The following BTRC variants were observed in gnomAD, a reference collection of about 807,000 sequenced individuals.
BTRC encodes beta-transducin repeat containing E3 ubiquitin protein ligase, also known as F-box/WD repeat-containing protein 1A.
In BTRC, 42 loss-of-function variants were observed where a neutral mutation model predicts 85.5. That is an observed-to-expected ratio of 0.49 (90% CI 0.38 to 0.64). The LOEUF is 0.64. Ranked by LOEUF, BTRC falls within the 30% of genes least tolerant of loss-of-function variation. BTRC has a pLI of 0.00. For missense variants in BTRC, 594 were observed against 743.5 expected (o/e 0.80, Z 2.34); for synonymous variants, 255 against 263.3 (o/e 0.97, Z 0.30).
chr10:101,446,773 C>T (rs1314973240), intron 2 of BTRC, among the ~76,000 whole-genome samples: 1 of 152,108 alleles, frequency 6.6e-6, no homozygotes, highest in African/African-American at 2.4e-5. Flanking sequence ...TCATTGAAGG[C>T]ATATGAGCAA....
intron 4 of BTRC, among the ~76,000 whole-genome samples, chr10:101,480,127 G>A (rs1310349894): frequency 2.6e-5 from 4 of 152,162 alleles, no homozygotes; most frequent in African/African-American, 9.7e-5. Flanking sequence ...GTACTATTAA[G>A]TATGGGCTTT....
chr10:101,451,491 C>T lies in BTRC; in HGVS notation c.157-10490C>T, dbSNP rs1944954054. The stretch of plus-strand genomic sequence containing the variant: ...TTCTAAATACTGAATGTGTCATGCG[C>T]TTTGACATAACATATCTGTAATCTC... On this transcript the variant is annotated intron_variant, in intron 2 of 14. Transcript: ENST00000370187. 2.6e-5 allele frequency among the ~76,000 whole-genome samples: 4 copies of T among 152,192 alleles called. No homozygotes were observed. The South Asian group carries it at 8.3e-4, about 32-fold the overall frequency.
In BTRC at chr10:101,494,491, T is replaced by A. The variant is rs140882442; in HGVS notation, c.324+15034T>A. Among the ~76,000 whole-genome samples the A allele has an allele frequency of 5.3e-3, 804 of 152,310 alleles. 7 individuals carry two copies. The highest frequency in any genetic ancestry group is 0.018 in the African/African-American group (731 of 41,566). On this transcript the variant is annotated intron_variant, in intron 4 of 14. Coordinates refer to ENST00000370187, the MANE Select transcript of BTRC (RefSeq NM_033637.4). ...GTTTGCTATATCATAACTCAAAAAATATTTTCTTAATTTTGAGAATGCGGA... is the reference window on the plus strand; with the variant it reads ...GTTTGCTATATCATAACTCAAAAAAAATTTTCTTAATTTTGAGAATGCGGA...
intron 5 of BTRC, among the ~76,000 whole-genome samples, chr10:101,522,384 A>C (rs1274783913): frequency 7.3e-6 from 1 of 137,754 alleles, no homozygotes; most frequent in African/African-American, 2.6e-5. Flanking sequence ...AAACAAAAAA[A>C]AAAAAACTCT....
chr10:101,467,656 C>A (rs1945415785), intron 3 of BTRC, among the ~76,000 whole-genome samples: 2 of 151,606 alleles, frequency 1.3e-5, no homozygotes, highest in Non-Finnish European at 2.9e-5. Flanking sequence ...ATAAAACTTG[C>A]TACCTCTTTT....
chr10:101,392,758 A>G (rs1309206622), intron 1 of BTRC, among the ~76,000 whole-genome samples: 1 of 152,090 alleles, frequency 6.6e-6, no homozygotes, highest in Non-Finnish European at 1.5e-5. Flanking sequence ...TCCTGACCTC[A>G]GGCGATCCAC....
chr10:101,396,992 C>T (rs1449461633), intron 1 of BTRC, among the ~76,000 whole-genome samples: 1 of 152,040 alleles, frequency 6.6e-6, no homozygotes, highest in South Asian at 2.1e-4. Context: ...TTAGTAGAGA[C>T]GAGGTTTCAC....
chr10:101,355,390 C>T (rs1172717543), intron 1 of BTRC, among the ~76,000 whole-genome samples: 1 of 152,182 alleles, frequency 6.6e-6, no homozygotes, highest in Non-Finnish European at 1.5e-5. Context: ...ATTTCTTTAA[C>T]TTTGTATCAC....
chr10:101,548,260 A>C (rs2062589113), intron 13 of BTRC, among the ~76,000 whole-genome samples: 1 of 152,258 alleles, frequency 6.6e-6, no homozygotes, highest in Non-Finnish European at 1.5e-5. Context: ...TATATTCAGC[A>C]AAAGACACGT....
chr10:101,460,995 T>A (rs184608173), intron 2 of BTRC, among the ~76,000 whole-genome samples: 2 of 151,050 alleles, frequency 1.3e-5, no homozygotes, highest in Non-Finnish European at 3.0e-5. Context: ...CTCGGCCTCC[T>A]GGGTTCAGGC....
chr10:101,366,783 TATATA>T (rs201814558), intron 1 of BTRC, among the ~76,000 whole-genome samples: 2,338 of 102,948 alleles, frequency 0.023, 67 homozygotes, highest in East Asian at 0.045. Context: ...TATATATATA[TATATA>T]TTTTTACATT....
intron 1 of BTRC, chr10:101,414,547 A>G (rs972509923): frequency 2.2e-5 from 10 of 449,098 alleles, no homozygotes; most frequent in African/African-American, 2.0e-4. Flanking sequence ...ACTTATTAAA[A>G]AAAATTAACT....
intron 2 of BTRC, among the ~76,000 whole-genome samples, chr10:101,433,160 A>G (rs903234587): frequency 1.3e-5 from 2 of 152,196 alleles, no homozygotes; most frequent in Non-Finnish European, 2.9e-5. Context: ...TCTTCACTAC[A>G]CAGGGGTCAT....
intron 1 of BTRC, among the ~76,000 whole-genome samples, chr10:101,387,528 C>CTTTTTTTTTTTTTTTTTT (rs535656002): frequency 0.085 from 3,812 of 44,704 alleles, 937 homozygotes; most frequent in Non-Finnish European, 0.11. Flanking sequence ...CTTCATGGGA[C>CTTTTTTTTTTTTTTTTTT]TTTTTTTTTT....
intron 4 of BTRC, among the ~76,000 whole-genome samples, chr10:101,519,725 G>C (rs986630066): frequency 6.6e-6 from 1 of 152,174 alleles, no homozygotes; most frequent in East Asian, 1.9e-4. Context: ...GCCAGGTGCA[G>C]TGGCTCACGC....
chr10:101,529,151 A>G (rs902821002), intron 6 of BTRC, among the ~76,000 whole-genome samples: 1 of 152,214 alleles, frequency 6.6e-6, no homozygotes, highest in African/African-American at 2.4e-5. Flanking sequence ...TAGGCATTTC[A>G]CATAGAAGTA....
chr10:101,547,750 T>C (rs1184123761), intron 13 of BTRC, among the ~76,000 whole-genome samples: 1 of 152,124 alleles, frequency 6.6e-6, no homozygotes, highest in African/African-American at 2.4e-5. Context: ...TTTTAAAAAA[T>C]CTCGACAAAA....
chr10:101,421,337 G>T (rs1409588217), intron 1 of BTRC, among the ~76,000 whole-genome samples: 1 of 152,030 alleles, frequency 6.6e-6, no homozygotes, highest in Non-Finnish European at 1.5e-5. Context: ...GTAACTCCAT[G>T]TTTAACTTTT....
intron 1 of BTRC, among the ~76,000 whole-genome samples, chr10:101,419,014 C>CTT (rs1331387470): frequency 3.5e-4 from 50 of 142,844 alleles, no homozygotes; most frequent in African/African-American, 1.1e-3. Flanking sequence ...TTCTTTCTTT[C>CTT]TTTTTTTTTT....
Sources: gnomAD v4.1 joint callset for allele counts (sites outside exome capture counted in the v4.1 genomes callset) on GRCh38, gnomAD v4.1.1 for gene constraint, MANE v1.5 for transcripts, NCBI Gene and HGNC (gene_info 2026-07-23, HGNC 2026-07-21) for gene names.